Variants in PACRG observed in about 807,000 individuals in gnomAD.
PACRG encodes parkin coregulated gene protein.
In PACRG, 29 loss-of-function variants were observed where a neutral mutation model predicts 29.7. That is an observed-to-expected ratio of 0.98 (90% CI 0.73 to 1.33). PACRG has a LOEUF of 1.33. Ranked by LOEUF, PACRG falls within the 40% of genes most tolerant of loss-of-function variation. PACRG has a pLI of 0.00. For missense variants in PACRG, 279 were observed against 316.2 expected (o/e 0.88, Z 0.89); for synonymous variants, 116 against 118.7 (o/e 0.98, Z 0.15).
chr6:163,314,888 C>T lies in PACRG; in HGVS notation c.675C>T (p.Ile225=). 1.9e-6 allele frequency: 3 copies of T among 1,614,158 alleles called. No homozygotes were observed. Among genetic ancestry groups the T allele is most frequent in the Non-Finnish European group, 2.5e-6 (3 of 1,180,034 alleles). Residue 225 remains isoleucine (I), a synonymous_variant, in exon 5 of 5, where the codon ATC becomes ATT. Transcript: ENST00000366888. ...QQKRENIGDL[I]QETLEAFERY... ...AGAGGGAGAACATTGGGGACTTGAT[C>T]CAGGAGACACTGGAGGCCTTCGAGC...
intron 3 of PACRG, among the ~76,000 whole-genome samples, chr6:163,083,549 GGCAAAATAAACTTCCTAAATTAA>G: frequency 6.6e-6 from 1 of 152,060 alleles, no homozygotes; most frequent in Non-Finnish European, 1.5e-5. Flanking sequence ...CCTCAACCTT[GGCAAAATAAACTTCCTAAATTAA>G]CTGAGACCTG....
intron 2 of PACRG, among the ~76,000 whole-genome samples, chr6:162,951,648 G>C (rs1031842419): frequency 6.6e-6 from 1 of 152,210 alleles, no homozygotes; most frequent in Non-Finnish European, 1.5e-5. Context: ...GAGCACCTCA[G>C]TTGGCCATGC....
intron 4 of PACRG, among the ~76,000 whole-genome samples, chr6:163,151,937 A>G (rs1778110686): frequency 6.6e-6 from 1 of 152,136 alleles, no homozygotes; most frequent in Non-Finnish European, 1.5e-5. Context: ...TTCTACCCCA[A>G]ATATGTCTTC....
upstream of PACRG, chr6:162,727,290 A>C: frequency 3.1e-6 from 1 of 323,514 alleles, no homozygotes; most frequent in Non-Finnish European, 5.7e-6. Flanking sequence ...GTGAGGGGCG[A>C]AGGTGAGGGG....
chr6:162,740,296 T>C (rs1347505981), intron 1 of PACRG, among the ~76,000 whole-genome samples: 2 of 151,770 alleles, frequency 1.3e-5, no homozygotes, highest in East Asian at 3.9e-4. Flanking sequence ...AGGTGCAATT[T>C]GTGGGACAAT....
chr6:162,761,031 G>C (rs1359389579), intron 1 of PACRG, among the ~76,000 whole-genome samples: 2 of 152,178 alleles, frequency 1.3e-5, no homozygotes, highest in Non-Finnish European at 2.9e-5. Flanking sequence ...GGATCACATA[G>C]CAGAGTAGAA....
At chr6:162,852,020 G>GAAGGAAGGAAGGAAGGA (rs1790948143) in intron 2 of PACRG, among the ~76,000 whole-genome samples, 190 of 135,954 alleles carry the variant, frequency 1.4e-3, no homozygotes, top group East Asian at 8.7e-3. Context: ...AGGAAGGAAG[G>GAAGGAAGGAAGGAAGGA]AAGGAAGGAA....
chr6:163,107,195 G>T (rs1209269736), intron 4 of PACRG, among the ~76,000 whole-genome samples: 1 of 152,028 alleles, frequency 6.6e-6, no homozygotes, highest in African/African-American at 2.4e-5. Flanking sequence ...AACCATGAGG[G>T]TTCTTTCATA....
intron 2 of PACRG, among the ~76,000 whole-genome samples, chr6:162,872,611 T>C (rs1382413578): frequency 6.6e-6 from 1 of 152,162 alleles, no homozygotes; most frequent in Admixed American, 6.5e-5. Context: ...AAAATTGTAA[T>C]AAAACTTGTA....
intron 2 of PACRG, among the ~76,000 whole-genome samples, chr6:162,952,134 T>C (rs569850804): frequency 4.3e-4 from 66 of 152,310 alleles, no homozygotes; most frequent in Admixed American, 1.7e-3. Context: ...AGACTCATCT[T>C]CTAGTAAATT....
At chr6:162,952,330 A>G (rs1190144290) in intron 2 of PACRG, among the ~76,000 whole-genome samples, 3 of 152,182 alleles carry the variant, frequency 2.0e-5, no homozygotes, top group African/African-American at 7.2e-5. Flanking sequence ...AGGTATTAAA[A>G]CTTAGGAACC....
intron 2 of PACRG, among the ~76,000 whole-genome samples, chr6:162,957,969 A>T (rs1487029247): frequency 6.6e-6 from 1 of 152,214 alleles, no homozygotes; most frequent in Non-Finnish European, 1.5e-5. Context: ...CTTGAATTTC[A>T]TGTTTAAAGG....
rs529239552 is a variant in PACRG at position 163,263,383 on chromosome 6, G to A, written c.614-51444G>A. The stretch of plus-strand genomic sequence containing the variant: ...TACAGAAGTCTAAGGATCACGTGGC[G>A]GCCGCAGCCTCTGTGTTTCTGTCCC... On this transcript the variant is annotated intron_variant, in intron 4 of 4. Coordinates refer to ENST00000366888, the MANE Select transcript of PACRG (RefSeq NM_001080379.2). 2.6e-5 allele frequency among the ~76,000 whole-genome samples: 4 copies of A among 152,196 alleles called. No homozygotes were observed. The South Asian group carries it at 6.2e-4, about 24-fold the overall frequency.
intron 1 of PACRG, among the ~76,000 whole-genome samples, chr6:162,768,016 A>G (rs892871033): frequency 6.6e-6 from 1 of 152,026 alleles, no homozygotes; most frequent in Non-Finnish European, 1.5e-5. Flanking sequence ...TGTTATGTTT[A>G]TTACTTTAAA....
chr6:163,047,427 G>T (rs1377858938), intron 2 of PACRG, among the ~76,000 whole-genome samples: 1 of 152,140 alleles, frequency 6.6e-6, no homozygotes, highest in Non-Finnish European at 1.5e-5. Flanking sequence ...TTAACTATAT[G>T]ACAAGAGGTT....
intron 2 of PACRG, among the ~76,000 whole-genome samples, chr6:162,890,004 A>G (rs1487181859): frequency 6.6e-6 from 1 of 152,276 alleles, no homozygotes; most frequent in African/African-American, 2.4e-5. Context: ...AATCGATTAG[A>G]AAGGTCTGAG....
intron 2 of PACRG, among the ~76,000 whole-genome samples, chr6:163,059,079 C>CA (rs572558082): frequency 0.012 from 794 of 68,194 alleles, 4 homozygotes; most frequent in African/African-American, 0.029. Flanking sequence ...AACTCCATCT[C>CA]AAAAAAAAAA....
intron 2 of PACRG, among the ~76,000 whole-genome samples, chr6:162,909,552 C>T (rs1796163931): frequency 1.2e-5 from 1 of 86,236 alleles, no homozygotes; most frequent in African/African-American, 1.2e-4. Context: ...GAGACTCCAT[C>T]TCAAAAAAAA....
intron 2 of PACRG, among the ~76,000 whole-genome samples, chr6:163,011,320 G>T (rs560130128): frequency 4.6e-5 from 7 of 152,196 alleles, no homozygotes; most frequent in Non-Finnish European, 8.8e-5. Context: ...CGGTGTAGCC[G>T]ATTGCCCCCA....
Sources: gnomAD v4.1 joint callset for allele counts (sites outside exome capture counted in the v4.1 genomes callset) on GRCh38, gnomAD v4.1.1 for gene constraint, MANE v1.5 for transcripts, NCBI Gene and HGNC (gene_info 2026-07-23, HGNC 2026-07-21) for gene names.